Variants in LSS observed in about 807,000 individuals in gnomAD.
The protein encoded by LSS is 2,3-epoxysqualene-lanosterol cyclase.
LSS carries 90 observed loss-of-function variants against 110.3 expected under a neutral mutation model. The ratio of observed to expected loss-of-function variants is 0.82; its 90% confidence interval spans 0.69 to 0.97. The LOEUF (loss-of-function observed/expected upper bound fraction) is 0.97, where lower values mean the gene tolerates loss of function less well. Among genes scored for constraint, LSS ranks in the 50% least tolerant of loss-of-function variants. The pLI is 0.00. For synonymous variants in LSS, 433 were observed against 400.0 expected, an observed-to-expected ratio of 1.08 and a Z score of -0.98; for missense variants, 927 against 990.0, an observed-to-expected ratio of 0.94 and a Z score of 0.85.
rs752116412 is a variant in LSS at position 46,216,539 on chromosome 21, G to C, written c.648-15C>G. On this transcript the variant is annotated splice_polypyrimidine_tract_variant and intron_variant, in intron 6 of 21. Transcript: ENST00000397728. This position sits in a 1 kb window ranked among gnomAD's most constrained non-coding sequence, Gnocchi z 4.2. ...CAGGAAACAGCCTGGGGCAACAGCA[G>C]GAGTCAGTGGGAGACCCCAAGACTC... 1 of 1,577,908 alleles carries C rather than the reference G, an allele frequency of 6.3e-7. No individual in the cohort carries two copies. Among genetic ancestry groups the C allele is most frequent in the South Asian group, 1.1e-5 (1 of 87,266 alleles).
At chr21:46,207,284 C>A in intron 15 of LSS, 144 bp downstream of exon 15, 1 of 1,011,198 alleles carries the variant, frequency 9.9e-7, no homozygotes, top group Admixed American at 2.4e-5. Context: ...TCACAGTTCT[C>A]CACATATAGA....
chr21:46,203,259 C>A (rs1345651921), intron 17 of LSS, among the ~76,000 whole-genome samples: 2 of 152,026 alleles, frequency 1.3e-5, no homozygotes, highest in Non-Finnish European at 2.9e-5. Context: ...TGGGGAAAAG[C>A]TAAAAAACAA....
At chr21:46,210,484 C>T (rs528797591) in intron 12 of LSS, among the ~76,000 whole-genome samples, 1 of 152,104 alleles carries the variant, frequency 6.6e-6, no homozygotes, top group Non-Finnish European at 1.5e-5. Context: ...CCAAGGCCCC[C>T]GACCCAGCCC....
chr21:46,220,224 T>G (rs963875918), intron 5 of LSS: 1 of 152,348 alleles, frequency 6.6e-6, no homozygotes, highest in Non-Finnish European at 1.5e-5. Context: ...CTAGGCAAAG[T>G]GCAGCCTAAA....
chr21:46,206,804 G>A (rs2080055436), intron 15 of LSS, 36 bp from the exon 16 acceptor site: 2 of 1,539,140 alleles, frequency 1.3e-6, no homozygotes, highest in African/African-American at 1.4e-5. Context: ...ACTCGCCCAT[G>A]TGCTGAGCAC....
chr21:46,215,364 C>A lies in LSS; in HGVS notation c.893-66G>T, dbSNP rs1472158771. The A allele has an allele frequency of 3.6e-6, 4 of 1,117,526 alleles. 1 individual carries two copies. Among genetic ancestry groups the A allele is most frequent in the South Asian group, 2.6e-5 (2 of 75,528 alleles). 69.2% of individuals were successfully genotyped at this position (1,117,526 alleles called of 1,614,324 possible). A position where few individuals can be genotyped will look rare whatever the true frequency, so the allele number is the denominator to read the frequency against. On this transcript the variant is annotated intron_variant, in intron 8 of 21. Transcript: ENST00000397728. ...ACTGGCCTCAGCCTGGAGCTCCATG[C>A]ACTGCAACGCCTGGACTTGCCCTTC...
At chr21:46,227,877 A>T (rs977884734) in intron 2 of LSS, among the ~76,000 whole-genome samples, 187 bp from the exon 3 acceptor site, 1 of 152,238 alleles carries the variant, frequency 6.6e-6, no homozygotes, top group Non-Finnish European at 1.5e-5. Context: ...GTAAAAGAAC[A>T]GCTGCACATT....
In LSS at chr21:46,227,569, G is replaced by A. The variant is rs748093963; in HGVS notation, c.302C>T (p.Pro101Leu). 20 of 1,613,848 alleles carry A rather than the reference G, an allele frequency of 1.2e-5. No homozygotes were observed. The highest frequency in any genetic ancestry group is 1.5e-5 in the Non-Finnish European group (18 of 1,179,994). The change falls in exon 3 of 22, where the codon CCA becomes CTA. Residue 101 changes from proline (P) to leucine (L), a missense_variant. Physicochemically the swap from Pro to Leu is moderately conservative, Grantham distance 98. Transcript: ENST00000397728. ...ACTCCTACCTGGCAGGAGGAAAAGT[G>A]GGCCACCATAATCACCCGTCCAGTG... ...DGHWTGDYGG[P>L]LFLLPGLLIT...
At chr21:46,221,827 G>A (rs775965813) in intron 5 of LSS, 27 bp downstream of exon 5, 2 of 1,613,386 alleles carry the variant, frequency 1.2e-6, no homozygotes, top group Non-Finnish European at 1.7e-6. Flanking sequence ...CGAACCCCTG[G>A]CCCAGCACAT....
chr21:46,220,469 G>A (rs1221850974), intron 5 of LSS: 1 of 152,716 alleles, frequency 6.5e-6, no homozygotes, highest in African/African-American at 2.4e-5. Flanking sequence ...AGCGGGGCAG[G>A]AGTGGAAGGT....
At chr21:46,212,452 G>T (rs542811077) in intron 11 of LSS, among the ~76,000 whole-genome samples, 3 of 152,198 alleles carry the variant, frequency 2.0e-5, no homozygotes, top group African/African-American at 7.2e-5. Flanking sequence ...CAGCCCAGTC[G>T]GACAGGACTG....
At chr21:46,203,861 T>A (rs564359863) in intron 17 of LSS, among the ~76,000 whole-genome samples, 1 of 152,384 alleles carries the variant, frequency 6.6e-6, no homozygotes, top group East Asian at 1.9e-4. Flanking sequence ...TTTTAGTATC[T>A]GTGCTACCAC....
intron 9 of LSS, 143 bp downstream of exon 9, chr21:46,215,037 T>C (rs1190469196): frequency 9.9e-6 from 7 of 706,378 alleles, no homozygotes; most frequent in Non-Finnish European, 1.7e-5. Flanking sequence ...CAGACACTTG[T>C]GCGATCAGAG....
At chr21:46,211,303 T>C (rs903274158) in intron 11 of LSS, among the ~76,000 whole-genome samples, 4 of 152,204 alleles carry the variant, frequency 2.6e-5, no homozygotes, top group Non-Finnish European at 5.9e-5. Context: ...ATTTTTTTTG[T>C]ATTTTTTAGT....
intron 3 of LSS, chr21:46,225,429 T>C: frequency 2.2e-6 from 1 of 452,576 alleles, no homozygotes; most frequent in Non-Finnish European, 4.4e-6. Flanking sequence ...AAACACCCGC[T>C]ACTTAGCATA....
At chr21:46,204,385 A>G (rs1024594508) in intron 17 of LSS, among the ~76,000 whole-genome samples, 20 of 148,882 alleles carry the variant, frequency 1.3e-4, no homozygotes, top group African/African-American at 4.4e-4. Context: ...AAAGACTAAG[A>G]TTTTTTTTTT....
At chr21:46,191,316 G>A in intron 21 of LSS, 81 bp from the exon 22 acceptor site, 4 of 1,530,412 alleles carry the variant, frequency 2.6e-6, no homozygotes, top group South Asian at 1.2e-5. Context: ...CCTGGCTGTT[G>A]GCTTGGCTGG....
Position 46,219,588 on chromosome 21 carries a change from A to G in LSS, c.551-16T>C, listed in dbSNP as rs1257816643. 2.6e-6 allele frequency: 4 copies of G among 1,513,286 alleles called. No homozygotes were observed. Among genetic ancestry groups the G allele is most frequent in the Non-Finnish European group, 3.6e-6 (4 of 1,111,770 alleles). The allele number at this position is 1,513,286 out of a possible 1,614,324, so 93.7% of individuals were successfully genotyped here. On this transcript the variant is annotated splice_polypyrimidine_tract_variant and intron_variant, in intron 5 of 21. Transcript: ENST00000397728. ...ACAGCACCACCTGAGCGGGGAGAGA[A>G]TAGGCCCACGTCATCTGCTTCCTGT...
At chr21:46,217,577 C>A (rs1303870934) in intron 6 of LSS, among the ~76,000 whole-genome samples, 1 of 152,176 alleles carries the variant, frequency 6.6e-6, no homozygotes, top group African/African-American at 2.4e-5. Context: ...GGTTACACTT[C>A]CAGCATTTCG....
Sources: gnomAD v4.1 joint callset for allele counts (sites outside exome capture counted in the v4.1 genomes callset) on GRCh38, gnomAD v4.1.1 for gene constraint, Gnocchi (gnomAD v3.1) non-coding constraint, MANE v1.5 for transcripts, NCBI Gene and HGNC (gene_info 2026-07-23, HGNC 2026-07-21) for gene names.